The following SERINC5 variants were observed in gnomAD, a reference collection of about 807,000 sequenced individuals.
The protein encoded by SERINC5 is chromosome 5 open reading frame 12.
In SERINC5, 41 loss-of-function variants were observed where a neutral mutation model predicts 63.1. The observed-to-expected ratio is 0.65, with a 90% CI of 0.51 to 0.84. SERINC5 has a LOEUF of 0.84. SERINC5 is among the 40% of genes least tolerant of loss of function. The pLI is 0.00. For missense variants in SERINC5, 523 were observed against 573.0 expected, an observed-to-expected ratio of 0.91 and a Z score of 0.89; for synonymous variants, 222 against 215.2, an observed-to-expected ratio of 1.03 and a Z score of -0.28.
At chr5:80,221,937 A>C (rs1242246473) in intron 1 of SERINC5, among the ~76,000 whole-genome samples, 1 of 152,084 alleles carries the variant, frequency 6.6e-6, no homozygotes, top group African/African-American at 2.4e-5. Flanking sequence ...TCTTGAGCCC[A>C]GGAGTTCAAG....
chr5:80,161,710 T>C (rs1280221310), intron 7 of SERINC5, among the ~76,000 whole-genome samples: 1 of 152,218 alleles, frequency 6.6e-6, no homozygotes, highest in Admixed American at 6.5e-5. Flanking sequence ...TAGATTAACA[T>C]AGTTCCATTT....
chr5:80,127,635 T>C (rs1230781757), intron 11 of SERINC5, among the ~76,000 whole-genome samples: 1 of 152,144 alleles, frequency 6.6e-6, no homozygotes, highest in Non-Finnish European at 1.5e-5. Context: ...ACTTATATTT[T>C]ATATATTTAA....
Position 80,140,115 on chromosome 5 carries a change from A to T in SERINC5, c.*3548T>A. ...GAAGCCAAGGCGGGCACATTGCTTG[A>T]GCTCAGGAGTTTGAGACCAGCCTGG... On this transcript the variant is annotated 3_prime_UTR_variant, in exon 12 of 12. Transcript: ENST00000507668. 1.1e-6 allele frequency: 1 copy of T among 909,080 alleles called. No individual in the cohort carries two copies. The highest frequency in any genetic ancestry group is 1.3e-6 in the Non-Finnish European group (1 of 760,670). The allele number at this position is 909,080 out of a possible 1,614,324, so 56.3% of individuals were successfully genotyped here.
intron 1 of SERINC5, among the ~76,000 whole-genome samples, chr5:80,242,492 G>A (rs1426808459): frequency 3.7e-5 from 3 of 80,834 alleles, no homozygotes; most frequent in Admixed American, 1.6e-4. Context: ...AGTGGCTCAC[G>A]CCTATAATCC....
rs974750667 is a variant in SERINC5, at chr5:80,200,832, G to A, written c.195+2054C>T. Among the ~76,000 whole-genome samples the A allele has an allele frequency of 9.2e-5, 7 of 75,720 alleles. No homozygotes were observed. In the East Asian group the frequency reaches 1.7e-3, roughly 18 times the overall value. The allele number at this position is 75,720 out of a possible 152,430, so 49.7% of individuals were successfully genotyped here. A position where few individuals can be genotyped will look rare whatever the true frequency, so the allele number is the denominator to read the frequency against. ...TTTCAGGCCAGGCATGGTGGCTCAC[G>A]CATGTAATCCCAGCACTTTGGGAGG... On this transcript the variant is annotated intron_variant, in intron 2 of 11. Transcript: ENST00000507668.
intron 7 of SERINC5, 98 bp downstream of exon 7, chr5:80,166,285 T>C (rs2112373219): frequency 3.5e-6 from 3 of 854,716 alleles, no homozygotes; most frequent in South Asian, 1.6e-5. Flanking sequence ...TTCTGCTCTC[T>C]ATCTCCAAGG....
At chr5:80,153,652 T>G (rs769853654) in intron 8 of SERINC5, among the ~76,000 whole-genome samples, 1 of 152,020 alleles carries the variant, frequency 6.6e-6, no homozygotes, top group Non-Finnish European at 1.5e-5. Flanking sequence ...GTATTTCCCG[T>G]GGGGATAGGA....
At position 80,159,378 on chromosome 5, in the gene SERINC5, TA is replaced by T. The variant is rs1297425615; in HGVS notation, c.860-417del. On this transcript the variant is annotated intron_variant, in intron 7 of 11. Coordinates refer to ENST00000507668, the MANE Select transcript of SERINC5 (RefSeq NM_001174072.3). ...AACTAGTTGAGAAGTCATTTTGCTG[TA>T]AGTGATATGATAATCGTGGTATCTT... Among the ~76,000 whole-genome samples, 5 of 152,068 alleles carry T rather than the reference TA, an allele frequency of 3.3e-5. No homozygotes were observed. The East Asian group carries it at 7.7e-4, about 23-fold the overall frequency.
At chr5:80,187,758 A>G (rs958318843) in intron 2 of SERINC5, among the ~76,000 whole-genome samples, 1 of 152,236 alleles carries the variant, frequency 6.6e-6, no homozygotes, top group African/African-American at 2.4e-5. Flanking sequence ...GCAAAGACTG[A>G]GAATGCGAGT....
At chr5:80,228,570 C>T (rs535990449) in intron 1 of SERINC5, among the ~76,000 whole-genome samples, 3 of 152,236 alleles carry the variant, frequency 2.0e-5, no homozygotes, top group Admixed American at 2.0e-4. Context: ...ATCCTCCTGC[C>T]TCAGCCTCGC....
chr5:80,253,530 T>C (rs540199164), intron 1 of SERINC5, among the ~76,000 whole-genome samples: 1 of 152,178 alleles, frequency 6.6e-6, no homozygotes, highest in Non-Finnish European at 1.5e-5. Flanking sequence ...AGCCTCTCAC[T>C]GCAACCAGAA....
At chr5:80,178,773 C>T (rs574505375) in intron 2 of SERINC5, among the ~76,000 whole-genome samples, 17 of 137,494 alleles carry the variant, frequency 1.2e-4, no homozygotes, top group African/African-American at 4.7e-4. Context: ...ACTATCCACC[C>T]AAAATGTCAC....
At chr5:80,133,738 CCA>C (rs1745042572), downstream of SERINC5, among the ~76,000 whole-genome samples, 1 of 152,350 alleles carries the variant, frequency 6.6e-6, no homozygotes, top group South Asian at 2.1e-4. Context: ...AGAGTTTAAT[CCA>C]CACACAGTCA....
In SERINC5 at chr5:80,172,427, T is replaced by A. The variant is rs181734121; in HGVS notation, c.551+2527A>T. ...GAATGAATCATTGTCATCTGCCTTA[T>A]GATTAAATTGCTCTTTGTAACCACA... On this transcript the variant is annotated intron_variant, in intron 5 of 11. Transcript: ENST00000507668. Among the ~76,000 whole-genome samples, 717 of 152,360 alleles carry A rather than the reference T, an allele frequency of 4.7e-3. 5 individuals carry two copies. Among genetic ancestry groups the A allele is most frequent in the African/African-American group, 0.016 (686 of 41,578 alleles).
intron 1 of SERINC5, among the ~76,000 whole-genome samples, chr5:80,220,669 C>G (rs17200389): frequency 0.13 from 19,790 of 152,092 alleles, 1,441 homozygotes; most frequent in Non-Finnish European, 0.16. Flanking sequence ...CTGATTGATG[C>G]CGCCTCTGAG....
chr5:80,111,734 T>C (rs1412132453), intron 12 of SERINC5: 1 of 152,174 alleles, frequency 6.6e-6, no homozygotes, highest in Non-Finnish European at 1.5e-5. Flanking sequence ...TAATACAAGT[T>C]AGGGTATCAC....
intron 11 of SERINC5, among the ~76,000 whole-genome samples, chr5:80,123,494 T>C (rs1287190163): frequency 6.6e-6 from 1 of 152,216 alleles, no homozygotes; most frequent in Non-Finnish European, 1.5e-5. Context: ...TATCTGAGTA[T>C]GCTCTTAGCT....
chr5:80,247,032 A>G (rs567385456), intron 1 of SERINC5, among the ~76,000 whole-genome samples: 1 of 152,336 alleles, frequency 6.6e-6, no homozygotes, highest in Admixed American at 6.5e-5. Flanking sequence ...GACTCAGAAC[A>G]CTAAGAAAAC....
At chr5:80,136,915 C>A (rs2112269337), downstream of SERINC5, among the ~76,000 whole-genome samples, 1 of 152,082 alleles carries the variant, frequency 6.6e-6, no homozygotes, top group South Asian at 2.1e-4. Flanking sequence ...GCAGGCAGAT[C>A]ACTTGAGGTC....
Sources: allele counts gnomAD v4.1 joint callset (sites outside exome capture counted in the v4.1 genomes callset), GRCh38; gene constraint gnomAD v4.1.1; transcripts MANE v1.5; gene names NCBI Gene and HGNC (gene_info 2026-07-23, HGNC 2026-07-21).